STAU1: variants seen among roughly 807,000 people sequenced by gnomAD.
STAU1 encodes double-stranded RNA-binding protein Staufen homolog 1.
In STAU1, 13 loss-of-function variants were observed where a neutral mutation model predicts 62.9. That is an observed-to-expected ratio of 0.21 (90% CI 0.13 to 0.33). The LOEUF (loss-of-function observed/expected upper bound fraction) is 0.33. Among genes scored for constraint, STAU1 ranks in the 10% least tolerant of loss-of-function variants. The pLI, the probability that STAU1 is intolerant of heterozygous loss-of-function variation, is 1.00. For missense variants in STAU1, 571 were observed against 712.1 expected (o/e 0.80, Z 2.25); for synonymous variants, 269 against 265.1 (o/e 1.01, Z -0.14).
At chr20:49,132,007 G>A (rs1368882830) in intron 6 of STAU1, among the ~76,000 whole-genome samples, 1 of 151,976 alleles carries the variant, frequency 6.6e-6, no homozygotes, top group African/African-American at 2.4e-5. Flanking sequence ...GGTAAGAAAA[G>A]TGAGCCTCCA....
the STAU1 span, among the ~76,000 whole-genome samples, chr20:49,205,141 GAA>G: frequency 1.3e-5 from 2 of 152,094 alleles, no homozygotes; most frequent in Admixed American, 1.3e-4. Flanking sequence ...AACCCAATGG[GAA>G]AAGCAAATCC....
chr20:49,201,071 A>AAAGAAGAAG, the STAU1 span, among the ~76,000 whole-genome samples: 36 of 104,606 alleles, frequency 3.4e-4, no homozygotes, highest in South Asian at 2.2e-3. Context: ...AAAAAAAAAA[A>AAAGAAGAAG]AAGAAGAAGA....
chr20:49,161,673 G>A (rs374934930), intron 3 of STAU1, among the ~76,000 whole-genome samples: 108 of 152,222 alleles, frequency 7.1e-4, no homozygotes, highest in East Asian at 5.8e-4. Context: ...TATGGGGTTC[G>A]CCACATGAGA....
intron 5 of STAU1, among the ~76,000 whole-genome samples, chr20:49,136,400 C>T (rs1470250917): frequency 6.6e-6 from 1 of 152,214 alleles, no homozygotes; most frequent in Non-Finnish European, 1.5e-5. Context: ...TACCAAGTGT[C>T]ACTGAATTTA....
chr20:49,115,125 T>C (rs1258471229), intron 13 of STAU1, among the ~76,000 whole-genome samples: 1 of 151,484 alleles, frequency 6.6e-6, no homozygotes, highest in African/African-American at 2.4e-5. Flanking sequence ...TATATGTCTA[T>C]ATTTGTATAA....
intron 7 of STAU1, 46 bp from the exon 8 acceptor site, chr20:49,123,281 T>C (rs1366546112): frequency 2.5e-6 from 4 of 1,613,626 alleles, no homozygotes; most frequent in East Asian, 2.2e-5. Context: ...ATTCACCGCA[T>C]GAACTTGGTC....
chr20:49,190,550 A>G (rs947432148), upstream of STAU1, among the ~76,000 whole-genome samples: 2 of 152,082 alleles, frequency 1.3e-5, no homozygotes, highest in African/African-American at 4.8e-5. Flanking sequence ...GGCTCAAGCA[A>G]TCCTCTTGCC....
chr20:49,187,513 G>C (rs965279202), intron 1 of STAU1, among the ~76,000 whole-genome samples: 12 of 152,126 alleles, frequency 7.9e-5, no homozygotes, highest in African/African-American at 2.7e-4. Flanking sequence ...TTATGCAGAC[G>C]GTTTACTGGG....
At chr20:49,178,237 T>G (rs1419673543) in intron 1 of STAU1, among the ~76,000 whole-genome samples, 3 of 152,144 alleles carry the variant, frequency 2.0e-5, no homozygotes. Context: ...TCCTCCAATT[T>G]CAAAAGATAA....
intron 5 of STAU1, among the ~76,000 whole-genome samples, chr20:49,150,537 A>AT (rs34509290): frequency 6.6e-6 from 1 of 151,842 alleles, no homozygotes; most frequent in Admixed American, 6.6e-5. Context: ...AATTTTTTGT[A>AT]TTTTTAGTAG....
intron 4 of STAU1, 52 bp from the exon 5 acceptor site, chr20:49,151,799 C>T: frequency 6.6e-7 from 1 of 1,511,682 alleles, no homozygotes; most frequent in Non-Finnish European, 8.9e-7. Flanking sequence ...GATAAGTCAC[C>T]TATACACTCT....
the STAU1 span, among the ~76,000 whole-genome samples, chr20:49,207,816 G>A: frequency 6.6e-6 from 1 of 152,108 alleles, no homozygotes; most frequent in African/African-American, 2.4e-5. Flanking sequence ...CACCACGCCC[G>A]GCTCCAAATG....
At chr20:49,188,983 T>G (rs1049280735), upstream of STAU1, among the ~76,000 whole-genome samples, 29 of 145,582 alleles carry the variant, frequency 2.0e-4, no homozygotes, top group African/African-American at 6.8e-4. Flanking sequence ...GGCGGATCAC[T>G]AGGTCAAGAG....
intron 3 of STAU1, among the ~76,000 whole-genome samples, chr20:49,155,653 A>G (rs1000318738): frequency 6.6e-6 from 1 of 152,218 alleles, no homozygotes; most frequent in Non-Finnish European, 1.5e-5. Context: ...AATCAAATCT[A>G]TAAGAATATC....
chr20:49,129,280 A>ATTTTTTT lies in STAU1; in HGVS notation c.610-4700_610-4694dup, dbSNP rs71184264. Among the ~76,000 whole-genome samples the ATTTTTTT allele has an allele frequency of 1.5e-3, 135 of 87,952 alleles. 7 individuals carry two copies. Among genetic ancestry groups the ATTTTTTT allele is most frequent in the African/African-American group, 5.2e-3 (111 of 21,362 alleles). The allele number at this position is 87,952 out of a possible 152,430, so 57.7% of individuals were successfully genotyped here. Reference sequence around the variant, plus strand: ...CCTGCTAGAATGACTTTAAAAAAAAATTTTTTTTTTTTTTTTTTTTTTTTT... The same window carrying ATTTTTTT: ...CCTGCTAGAATGACTTTAAAAAAAAATTTTTTTTTTTTTTTTTTTTTTTTTTTTTTTT... On this transcript the variant is annotated intron_variant, in intron 6 of 13. Transcript: ENST00000371856.
At chr20:49,172,802 T>A (rs1180004473) in intron 2 of STAU1, among the ~76,000 whole-genome samples, 1 of 152,108 alleles carries the variant, frequency 6.6e-6, no homozygotes, top group Non-Finnish European at 1.5e-5. Flanking sequence ...AAACACTTTA[T>A]AATAGGATAT....
intron 8 of STAU1, among the ~76,000 whole-genome samples, chr20:49,121,843 C>T (rs544858501): frequency 1.3e-5 from 2 of 152,188 alleles, no homozygotes; most frequent in Non-Finnish European, 2.9e-5. Context: ...TCACTACTTA[C>T]AACCCCCTTC....
chr20:49,165,860 A>AAAGAAGTGTGGG, intron 3 of STAU1, 137 bp downstream of exon 3: 1 of 813,374 alleles, frequency 1.2e-6, no homozygotes, highest in Non-Finnish European at 2.0e-6. Context: ...TATCTGGGAT[A>AAAGAAGTGTGGG]AAGAAGTGTG....
chr20:49,173,784 C>T (rs1260879793), intron 2 of STAU1, among the ~76,000 whole-genome samples: 1 of 152,142 alleles, frequency 6.6e-6, no homozygotes. Context: ...AAGCTTGATT[C>T]GTAACCCTAT....
Sources: allele counts gnomAD v4.1 joint callset (sites outside exome capture counted in the v4.1 genomes callset), GRCh38; gene constraint gnomAD v4.1.1; transcripts MANE v1.5; gene names NCBI Gene and HGNC (gene_info 2026-07-23, HGNC 2026-07-21).